The following SMARCC2 variants were observed in gnomAD, a reference collection of about 807,000 sequenced individuals.
SMARCC2 encodes SWI/SNF related BAF chromatin remodeling complex subunit C2.
Under a neutral mutation model 151.3 loss-of-function variants are expected in SMARCC2, and 15 were observed. That is an observed-to-expected ratio of 0.10 (90% CI 0.07 to 0.15). The LOEUF (loss-of-function observed/expected upper bound fraction) is 0.15, where lower values mean the gene tolerates loss of function less well. SMARCC2 is among the 10% of genes least tolerant of loss of function. The pLI, the probability that SMARCC2 is intolerant of heterozygous loss-of-function variation, is 1.00. For missense variants in SMARCC2, 1,031 were observed against 1,599.7 expected (o/e 0.64, Z 6.06); for synonymous variants, 590 against 609.5 (o/e 0.97, Z 0.47).
In SMARCC2 at chr12:56,186,233, C is replaced by T. The variant is rs773775110; in HGVS notation, c.239G>A (p.Cys80Tyr). The T allele has an allele frequency of 1.2e-6, 2 of 1,605,582 alleles. No homozygotes were observed. The highest frequency in any genetic ancestry group is 2.2e-5 in the South Asian group (2 of 90,872). ...GCCTCCCGCTTTGAAATCTAGGAAA[C>T]ATTTGATCTACAAAATCAAGATACG... ...NAPLTKLPIK[C>Y]FLDFKAGGSL... The change falls in exon 3 of 29, where the codon TGT becomes TAT. Residue 80 changes from cysteine to tyrosine, a missense_variant. Cys to Tyr is a radical substitution (Grantham distance 194). Transcript: ENST00000550164.
At chr12:56,177,349 A>G (rs530348393) in intron 15 of SMARCC2, among the ~76,000 whole-genome samples, 12 of 152,290 alleles carry the variant, frequency 7.9e-5, no homozygotes, top group Admixed American at 7.8e-4. Context: ...GGCTCAAGCA[A>G]TCTTCCCATT....
rs1254843571 is a variant in SMARCC2, at chr12:56,165,578, T to C, written c.2972A>G (p.Gln991Arg). ...GCCTGGGGGCAGGGCTGGTGGTGGCTGCTGCTGCTGTTGGTGCATCTGTTG... is the reference window on the plus strand; with the variant it reads ...GCCTGGGGGCAGGGCTGGTGGTGGCCGCTGCTGCTGTTGGTGCATCTGTTG... ...HFQQMHQQQQ[Q>R]PPPALPPGSQ... Residue 991 changes from glutamine (Q) to arginine (R), a missense_variant, in exon 27 of 29, where the codon CAG becomes CGG. Gln to Arg is a conservative substitution (Grantham distance 43). Coordinates refer to ENST00000550164, the MANE Select transcript of SMARCC2 (RefSeq NM_001330288.2). 1 of 1,612,842 alleles carries C rather than the reference T, an allele frequency of 6.2e-7. No homozygotes were observed. Among genetic ancestry groups the C allele is most frequent in the African/African-American group, 1.3e-5 (1 of 75,028 alleles).
chr12:56,168,777 G>C (rs1873340826), intron 25 of SMARCC2, among the ~76,000 whole-genome samples: 1 of 151,952 alleles, frequency 6.6e-6, no homozygotes, highest in Admixed American at 6.5e-5. Context: ...CCAGGAGTTT[G>C]AGACCAGCCT....
rs1430114659 is a variant in SMARCC2 at position 56,172,496 on chromosome 12, G to T, written c.1864-6C>A. ...GCACTGGCTGCAGCCTTGCTCTGCA[G>T]GGGAAACACAGGCAGGTGAGAAGAA... On this transcript the variant is annotated splice_region_variant and splice_polypyrimidine_tract_variant and intron_variant, in intron 19 of 28. Coordinates refer to ENST00000550164, the MANE Select transcript of SMARCC2 (RefSeq NM_001330288.2). The T allele has an allele frequency of 6.2e-7, 1 of 1,605,712 alleles. No individual in the cohort carries two copies. Among genetic ancestry groups the T allele is most frequent in the Non-Finnish European group, 8.5e-7 (1 of 1,174,580 alleles).
chr12:56,167,173 G>A (rs1324295006), intron 26 of SMARCC2, among the ~76,000 whole-genome samples: 1 of 150,954 alleles, frequency 6.6e-6, no homozygotes, highest in Admixed American at 6.6e-5. Flanking sequence ...CCAACATAGA[G>A]AAACCCCATC....
At chr12:56,181,414 G>T (rs1333875411) in intron 10 of SMARCC2, 68 bp downstream of exon 10, 4 of 1,016,590 alleles carry the variant, frequency 3.9e-6, no homozygotes, top group African/African-American at 1.6e-5. Flanking sequence ...GAAGGGATTT[G>T]TCTTTCCTTC....
In SMARCC2 at chr12:56,180,770, AC is replaced by A. The variant is rs774470113; in HGVS notation, c.1081+206del. Among the ~76,000 whole-genome samples the A allele has an allele frequency of 8.1e-4, 124 of 152,256 alleles. 1 individual carries two copies. The highest frequency in any genetic ancestry group is 1.3e-3 in the Non-Finnish European group (89 of 68,042). On this transcript the variant is annotated intron_variant, in intron 11 of 28. Coordinates refer to ENST00000550164, the MANE Select transcript of SMARCC2 (RefSeq NM_001330288.2). Reference sequence around the variant, plus strand: ...AGTTTGGAGACAACTACTATCAGGCACAAAGCACAGTCCACAACTCAGATAT... The same window carrying A: ...AGTTTGGAGACAACTACTATCAGGCAAAAGCACAGTCCACAACTCAGATAT...
At chr12:56,184,815 C>G in intron 5 of SMARCC2, 29 bp downstream of exon 5, 1 of 1,347,018 alleles carries the variant, frequency 7.4e-7, no homozygotes, top group Non-Finnish European at 1.1e-6. Flanking sequence ...CATGGAGTTT[C>G]TGAAACCTCT....
rs751251513 is a variant in SMARCC2 at position 56,165,353 on chromosome 12, G to A, written c.3197C>T (p.Ala1066Val). 6.6e-7 allele frequency: 1 copy of A among 1,504,184 alleles called. No homozygotes were observed. The highest frequency in any genetic ancestry group is 8.9e-7 in the Non-Finnish European group (1 of 1,129,506). The allele number at this position is 1,504,184 out of a possible 1,614,324, so 93.2% of individuals were successfully genotyped here. Residue 1066 changes from alanine to valine, a missense_variant, in exon 27 of 29, where the codon GCA becomes GTA. By Grantham distance (64) the Ala-to-Val change is moderately conservative. This residue lies in a region of SMARCC2 where 310 missense variants were observed against 350.0 expected (regional missense o/e 0.89). Transcript: ENST00000550164. ...AGGGGGGGGAACCCCTGGTGGGACT[G>A]CCCCAGGCTGGGGGGCTCCAGCTGG... Reference protein sequence around the residue: ...QQPAGAPQPGAVPPGVPPPGP... With the variant: ...QQPAGAPQPGVVPPGVPPPGP...
Position 56,184,904 on chromosome 12 carries a change from C to A in SMARCC2, c.432G>T (p.Leu144=), listed in dbSNP as rs948568432. The A allele has an allele frequency of 2.5e-6, 4 of 1,612,896 alleles. No homozygotes were observed. The highest frequency in any genetic ancestry group is 3.4e-6 in the Non-Finnish European group (4 of 1,179,454). The change falls in exon 5 of 29, where the codon CTG becomes CTT. Residue 144 remains leucine, a synonymous_variant. Coordinates refer to ENST00000550164, the MANE Select transcript of SMARCC2 (RefSeq NM_001330288.2). ...GTAGTTTGGGCTCAATTTCTGGGCA[C>A]AGAAAAATGTTAGGTCGAGACAGGC... The part of the protein sequence containing the change: ...NNCLSRPNIF[L]CPEIEPKLLG...
rs367782807 is a variant in SMARCC2 at position 56,178,743 on chromosome 12, A to T, written c.1179+67T>A. 2.6e-6 allele frequency: 4 copies of T among 1,548,690 alleles called. No individual in the cohort carries two copies. In the African/African-American group the frequency reaches 5.4e-5, roughly 21 times the overall value. Reference sequence around the variant, plus strand: ...AGTCTGGGCAGTGAAAAGTTTGGGCAGAATGAACTTTATAATCACAAATCA... The same window carrying T: ...AGTCTGGGCAGTGAAAAGTTTGGGCTGAATGAACTTTATAATCACAAATCA... On this transcript the variant is annotated intron_variant, in intron 13 of 28. Coordinates refer to ENST00000550164, the MANE Select transcript of SMARCC2 (RefSeq NM_001330288.2).
At position 56,172,484 on chromosome 12, in the gene SMARCC2, C is replaced by T. The variant is rs774968638; in HGVS notation, c.1870G>A (p.Ala624Thr). ...CACTCACGAGTGGCACTGGCTGCAGCCTTGCTCTGCAGGGGAAACACAGGC... is the reference window on the plus strand; with the variant it reads ...CACTCACGAGTGGCACTGGCTGCAGTCTTGCTCTGCAGGGGAAACACAGGC... ...TKKNVPSKSK[A>T]AASATREWTE... The change falls in exon 20 of 29, where the codon GCT (alanine) becomes ACT (threonine). Residue 624 changes from alanine to threonine, a missense_variant. Around this residue, in one of 12 missense-constraint regions of SMARCC2, gnomAD observed 99 missense variants for 148.3 expected, o/e 0.67. Coordinates refer to ENST00000550164, the MANE Select transcript of SMARCC2 (RefSeq NM_001330288.2). 6.2e-7 allele frequency: 1 copy of T among 1,602,384 alleles called. No homozygotes were observed. Among genetic ancestry groups the T allele is most frequent in the East Asian group, 2.2e-5 (1 of 44,676 alleles).
rs1442358057 is a variant in SMARCC2 at position 56,183,858 on chromosome 12, C to T, written c.632+3G>A. 3 of 1,611,240 alleles carry T rather than the reference C, an allele frequency of 1.9e-6. No homozygotes were observed. On this transcript the variant is annotated splice_donor_region_variant and intron_variant, in intron 7 of 28. Transcript: ENST00000550164. ...TAAACCTGCCCCAGGAACCCATCCTCACCTGTCAGGATAGTAGCCCCAGTG... is the reference window on the plus strand; with the variant it reads ...TAAACCTGCCCCAGGAACCCATCCTTACCTGTCAGGATAGTAGCCCCAGTG...
At chr12:56,184,977 T>C in intron 4 of SMARCC2, 41 bp from the exon 5 acceptor site, 1 of 1,587,546 alleles carries the variant, frequency 6.3e-7, no homozygotes, top group African/African-American at 1.3e-5. Flanking sequence ...AGGAAAGGGG[T>C]GTTTTAGATT....
At chr12:56,173,560 G>T in intron 17 of SMARCC2, 136 bp downstream of exon 17, 1 of 762,356 alleles carries the variant, frequency 1.3e-6, no homozygotes. Context: ...GCTGATTCCC[G>T]TGACCCTTTG....
Position 56,187,861 on chromosome 12 carries a change from G to A in SMARCC2, c.112-555C>T, listed in dbSNP as rs537725968. 8.7e-4 allele frequency among the ~76,000 whole-genome samples: 132 copies of A among 152,222 alleles called. 3 individuals carry two copies. The South Asian group carries it at 0.026, about 30-fold the overall frequency. On this transcript the variant is annotated intron_variant, in intron 1 of 28. Coordinates refer to ENST00000550164, the MANE Select transcript of SMARCC2 (RefSeq NM_001330288.2). The stretch of plus-strand genomic sequence containing the variant: ...TCATAGGCCCTCCTAGACAGGAAGG[G>A]CCATCCACTACCCAGCCTGATGGAG...
chr12:56,189,220 C>CG, intron 1 of SMARCC2, 131 bp downstream of exon 1: 1 of 253,274 alleles, frequency 3.9e-6, no homozygotes, highest in Non-Finnish European at 6.1e-6. Flanking sequence ...GGAGGGCGCG[C>CG]GGGGGGCTGC....
rs766818261 is a variant in SMARCC2 at position 56,163,145 on chromosome 12, C to T, written c.*544G>A. On this transcript the variant is annotated 3_prime_UTR_variant, in exon 29 of 29. Transcript: ENST00000550164. ...GTAGGGTGGGGGAGGGGAGTTGGGG[C>T]CTTGACTTAGTCACTAAAAAGGGGC... is the stretch of plus-strand genomic sequence containing the variant. 5 of 151,866 alleles carry T rather than the reference C, an allele frequency of 3.3e-5. No individual in the cohort carries two copies. Among genetic ancestry groups the T allele is most frequent in the Admixed American group, 6.6e-5 (1 of 15,234 alleles). 9.4% of individuals were successfully genotyped at this position (151,866 alleles called of 1,614,324 possible).
chr12:56,189,129 G>C (rs1403149286), intron 1 of SMARCC2, among the ~76,000 whole-genome samples: 2 of 149,584 alleles, frequency 1.3e-5, no homozygotes, highest in African/African-American at 4.9e-5. Context: ...GGGGCAGAGG[G>C]CGCAGCAGTG....
Sources: allele counts gnomAD v4.1 joint callset (sites outside exome capture counted in the v4.1 genomes callset), GRCh38; gene constraint gnomAD v4.1.1; regional missense constraint gnomAD v4.1.1; transcripts MANE v1.5; gene names NCBI Gene and HGNC (gene_info 2026-07-23, HGNC 2026-07-21).